Variants in CHRM3 observed in about 807,000 individuals in gnomAD.
CHRM3 encodes cholinergic receptor muscarinic 3, also known as muscarinic acetylcholine receptor M3.
Under a neutral mutation model 41.8 loss-of-function variants are expected in CHRM3, and 11 were observed. The observed-to-expected ratio is 0.26, with a 90% confidence interval of 0.17 to 0.44. The LOEUF (loss-of-function observed/expected upper bound fraction) is 0.44, where lower values mean the gene tolerates loss of function less well. Among genes scored for constraint, CHRM3 ranks in the 20% least tolerant of loss-of-function variants. The pLI is 1.00. For missense variants in CHRM3, 571 were observed against 745.4 expected, an observed-to-expected ratio of 0.77 and a Z score of 2.72; for synonymous variants, 297 against 301.4, an observed-to-expected ratio of 0.99 and a Z score of 0.15.
intron 2 of CHRM3, among the ~76,000 whole-genome samples, chr1:239,513,130 A>G (rs1572556564): frequency 6.6e-6 from 1 of 152,194 alleles, no homozygotes; most frequent in Non-Finnish European, 1.5e-5. Context: ...AGATTTTCCA[A>G]CAATATATAT....
chr1:239,560,674 G>GTA (rs752031050), intron 3 of CHRM3, among the ~76,000 whole-genome samples: 99 of 151,072 alleles, frequency 6.6e-4, no homozygotes, highest in African/African-American at 1.9e-3. Flanking sequence ...ATATATGTGT[G>GTA]TATATATATA....
chr1:239,897,784 C>T (rs1001375881), intron 6 of CHRM3, among the ~76,000 whole-genome samples: 3 of 152,178 alleles, frequency 2.0e-5, no homozygotes, highest in African/African-American at 7.2e-5. Flanking sequence ...AGGTTTTAGA[C>T]TTGCGAGTGC....
intron 3 of CHRM3, among the ~76,000 whole-genome samples, chr1:239,598,254 C>A (rs1032609604): frequency 1.3e-5 from 2 of 151,986 alleles, no homozygotes; most frequent in African/African-American, 4.8e-5. Context: ...CGCTGCCAGT[C>A]CAGCAGAGGG....
intron 1 of CHRM3, among the ~76,000 whole-genome samples, chr1:239,464,905 A>G (rs1158913649): frequency 6.6e-6 from 1 of 152,144 alleles, no homozygotes; most frequent in Non-Finnish European, 1.5e-5. Flanking sequence ...TTCCTAAAAG[A>G]AGAGGTGTAA....
intron 3 of CHRM3, among the ~76,000 whole-genome samples, chr1:239,593,370 T>C (rs1232404093): frequency 6.6e-6 from 1 of 152,198 alleles, no homozygotes; most frequent in Non-Finnish European, 1.5e-5. Context: ...ATCTTCAGTG[T>C]GATGCCTGAG....
chr1:239,652,010 C>A (rs568528701), intron 4 of CHRM3, among the ~76,000 whole-genome samples: 115 of 146,602 alleles, frequency 7.8e-4, no homozygotes, highest in African/African-American at 2.8e-3. Flanking sequence ...TTTGATGCAG[C>A]TACAAGGCCA....
intron 4 of CHRM3, among the ~76,000 whole-genome samples, chr1:239,658,286 C>T (rs1194760634): frequency 1.3e-5 from 2 of 152,024 alleles, no homozygotes; most frequent in Non-Finnish European, 2.9e-5. Flanking sequence ...CTGATGTGTA[C>T]CAAATTTAAA....
chr1:239,810,667 T>C (rs1179881997), intron 5 of CHRM3, among the ~76,000 whole-genome samples: 1 of 152,260 alleles, frequency 6.6e-6, no homozygotes, highest in Non-Finnish European at 1.5e-5. Context: ...TTCAGAGTAA[T>C]TATAATTATT....
intron 1 of CHRM3, among the ~76,000 whole-genome samples, chr1:239,402,262 C>T (rs975734408): frequency 2.6e-5 from 4 of 152,108 alleles, no homozygotes; most frequent in Non-Finnish European, 4.4e-5. Context: ...GACTTGAATC[C>T]TTCTGAATGT....
In CHRM3 at chr1:239,908,944, T is replaced by C. The variant is rs781128679; in HGVS notation, c.1493T>C (p.Leu498Pro). The change falls in exon 7 of 7, where the codon CTT (leucine) becomes CCT (proline). Residue 498 changes from leucine to proline, a missense_variant. Coordinates refer to ENST00000676153, the MANE Select transcript of CHRM3 (RefSeq NM_001375978.1). This position sits in a 1 kb window ranked among gnomAD's most constrained non-coding sequence, Gnocchi z 7.2. ...KAAQTLSAIL[L>P]AFIITWTPYN... ...GCCCAGACCCTCAGTGCGATCTTGC[T>C]TGCCTTCATCATCACTTGGACCCCA... 1 of 1,614,152 alleles carries C rather than the reference T, an allele frequency of 6.2e-7. No homozygotes were observed. Among genetic ancestry groups the C allele is most frequent in the Non-Finnish European group, 8.5e-7 (1 of 1,180,038 alleles).
intron 5 of CHRM3, among the ~76,000 whole-genome samples, chr1:239,807,816 GCGCA>G (rs1291156356): frequency 7.9e-6 from 1 of 127,244 alleles, no homozygotes; most frequent in East Asian, 2.2e-4. Flanking sequence ...TTTTTGCTTT[GCGCA>G]CACACACACA....
intron 1 of CHRM3, among the ~76,000 whole-genome samples, chr1:239,465,049 T>G (rs1291846275): frequency 1.3e-5 from 2 of 152,222 alleles, no homozygotes; most frequent in Non-Finnish European, 2.9e-5. Context: ...AAAATCTAAT[T>G]CAATTTTTTA....
At chr1:239,404,016 A>AGG (rs1558194694) in intron 1 of CHRM3, among the ~76,000 whole-genome samples, 1 of 118,266 alleles carries the variant, frequency 8.5e-6, no homozygotes, top group African/African-American at 3.1e-5. Context: ...AGAGAGAGAT[A>AGG]CCTGGCTCGG....
chr1:239,699,918 GAAAAT>G (rs905956415), intron 5 of CHRM3, among the ~76,000 whole-genome samples: 13 of 152,184 alleles, frequency 8.5e-5, no homozygotes, highest in African/African-American at 3.1e-4. Context: ...ACACCCTTAA[GAAAAT>G]AGGGAAGAAA....
intron 6 of CHRM3, among the ~76,000 whole-genome samples, chr1:239,902,577 C>A (rs575897954): frequency 6.6e-6 from 1 of 152,272 alleles, no homozygotes; most frequent in South Asian, 2.1e-4. Flanking sequence ...TTTCTGTCTT[C>A]GTAGCTAGAA....
intron 5 of CHRM3, among the ~76,000 whole-genome samples, chr1:239,758,654 A>G (rs1254090929): frequency 6.6e-6 from 1 of 152,230 alleles, no homozygotes; most frequent in African/African-American, 2.4e-5. Context: ...TTGTTTATCA[A>G]AAGCAGTTCT....
At chr1:239,846,753 C>T (rs1674298186) in intron 6 of CHRM3, among the ~76,000 whole-genome samples, 1 of 152,136 alleles carries the variant, frequency 6.6e-6, no homozygotes, top group South Asian at 2.1e-4. Flanking sequence ...AAACATTTTC[C>T]TTTGCTACAG....
chr1:239,577,599 G>A (rs1662493092), intron 3 of CHRM3, among the ~76,000 whole-genome samples: 1 of 152,158 alleles, frequency 6.6e-6, no homozygotes, highest in African/African-American at 2.4e-5. Flanking sequence ...TCTTAACACT[G>A]TTAACAGGTA....
At chr1:239,407,421 G>T (rs35261223) in intron 1 of CHRM3, among the ~76,000 whole-genome samples, 51,563 of 116,492 alleles carry the variant, frequency 0.44, 9,966 homozygotes, top group African/African-American at 0.5. Flanking sequence ...TATATATAGA[G>T]AGAGAGAGAG....
Sources: gnomAD v4.1 joint callset for allele counts (sites outside exome capture counted in the v4.1 genomes callset) on GRCh38, gnomAD v4.1.1 for gene constraint, Gnocchi (gnomAD v3.1) non-coding constraint, MANE v1.5 for transcripts, NCBI Gene and HGNC (gene_info 2026-07-23, HGNC 2026-07-21) for gene names.